The following GABRB1 variants were observed in gnomAD, a reference collection of about 807,000 sequenced individuals.
The protein encoded by GABRB1 is gamma-aminobutyric acid receptor subunit beta-1.
Under a neutral mutation model 51.6 loss-of-function variants are expected in GABRB1, and 17 were observed. The ratio of observed to expected loss-of-function variants is 0.33; its 90% CI spans 0.23 to 0.49. The LOEUF (loss-of-function observed/expected upper bound fraction) is 0.49. Among genes scored for constraint, GABRB1 ranks in the 20% least tolerant of loss-of-function variants. GABRB1 has a pLI of 0.99. For missense variants in GABRB1, 410 were observed against 600.6 expected, an observed-to-expected ratio of 0.68 and a Z score of 3.32; for synonymous variants, 247 against 218.9, an observed-to-expected ratio of 1.13 and a Z score of -1.14.
chr4:47,421,132 A>G (rs1287151385), intron 8 of GABRB1, among the ~76,000 whole-genome samples: 1 of 152,210 alleles, frequency 6.6e-6, no homozygotes, highest in Non-Finnish European at 1.5e-5. Context: ...ATCAGCTTTC[A>G]TGGATAGTTG....
intron 3 of GABRB1, among the ~76,000 whole-genome samples, chr4:47,137,337 C>T (rs962461654): frequency 2.7e-5 from 4 of 150,492 alleles, no homozygotes; most frequent in African/African-American, 7.3e-5. Flanking sequence ...TTTGCTGTTT[C>T]TGGCATGTTG....
chr4:47,386,937 C>G (rs147272388), intron 5 of GABRB1, among the ~76,000 whole-genome samples: 2 of 152,010 alleles, frequency 1.3e-5, no homozygotes, highest in South Asian at 4.1e-4. Flanking sequence ...GAGATATAGA[C>G]GAAAGGCTAA....
At chr4:47,029,963 T>A (rs890363663), upstream of GABRB1, among the ~76,000 whole-genome samples, 11 of 152,142 alleles carry the variant, frequency 7.2e-5, no homozygotes, top group Non-Finnish European at 1.3e-4. Flanking sequence ...CCCATATTCC[T>A]TCTCTTTTTT....
intron 4 of GABRB1, among the ~76,000 whole-genome samples, chr4:47,167,567 T>A (rs1718242127): frequency 6.6e-6 from 1 of 152,108 alleles, no homozygotes; most frequent in Non-Finnish European, 1.5e-5. Context: ...TGCAAACAGC[T>A]AGTGGAATGA....
intron 4 of GABRB1, among the ~76,000 whole-genome samples, chr4:47,268,925 G>T (rs915510597): frequency 1.3e-5 from 2 of 152,142 alleles, no homozygotes; most frequent in African/African-American, 4.8e-5. Context: ...AATCCATTTT[G>T]TGAGTATAGG....
chr4:47,093,071 ATTAAG>A (rs1226494954), intron 3 of GABRB1, among the ~76,000 whole-genome samples: 1 of 152,244 alleles, frequency 6.6e-6, no homozygotes, highest in African/African-American at 2.4e-5. Context: ...GTTCTCTTTT[ATTAAG>A]TTAATTGATA....
intron 1 of GABRB1, among the ~76,000 whole-genome samples, chr4:46,994,918 T>G (rs542113228): frequency 1.3e-5 from 2 of 152,266 alleles, no homozygotes; most frequent in East Asian, 3.9e-4. Context: ...TTTGTGTGTT[T>G]TAAACGTCTG....
rs6284 is a variant in GABRB1, at chr4:47,320,202, C to A, written c.537C>A (p.Ile179=). ...PLDEQNCTLE[I]ESYGYTTDDI... ...ATGAGCAGAACTGCACCCTGGAGAT[C>A]GAAAGTTGTGAGTTACTTGGACAGG... The change falls in exon 5 of 9, where the codon ATC becomes ATA. Residue 179 remains isoleucine (I), a synonymous_variant. Transcript: ENST00000295454. 0.19 allele frequency: 297,590 copies of A among 1,579,056 alleles called. 29,642 individuals carry two copies. The highest frequency in any genetic ancestry group is 0.2 in the Non-Finnish European group (233,057 of 1,147,800).
intron 3 of GABRB1, among the ~76,000 whole-genome samples, chr4:47,039,409 A>C (rs1206843670): frequency 1.3e-5 from 2 of 150,896 alleles, no homozygotes; most frequent in Non-Finnish European, 3.0e-5. Flanking sequence ...GTTCTTGTAG[A>C]GCTTATAGTC....
intron 3 of GABRB1, among the ~76,000 whole-genome samples, chr4:47,034,111 G>A (rs1000752250): frequency 7.9e-5 from 12 of 152,016 alleles, no homozygotes; most frequent in African/African-American, 2.9e-4. Context: ...TTGGTATCTT[G>A]TAAGCATCCA....
At chr4:47,076,814 G>A (rs1422080973) in intron 3 of GABRB1, among the ~76,000 whole-genome samples, 2 of 152,012 alleles carry the variant, frequency 1.3e-5, no homozygotes, top group Non-Finnish European at 2.9e-5. Context: ...TGTGTCTCTT[G>A]CTTCCCTTCC....
At chr4:47,038,992 T>A (rs140153548) in intron 3 of GABRB1, among the ~76,000 whole-genome samples, 101 of 152,284 alleles carry the variant, frequency 6.6e-4, no homozygotes, top group African/African-American at 2.3e-3. Context: ...AAGCATTTCA[T>A]GAAGTTCCTT....
chr4:47,215,182 A>G (rs1390016760), intron 4 of GABRB1, among the ~76,000 whole-genome samples: 1 of 152,102 alleles, frequency 6.6e-6, no homozygotes. Flanking sequence ...ACCCACAATA[A>G]TGGGTGCTAT....
chr4:47,039,358 A>AT (rs1725732048), intron 3 of GABRB1, among the ~76,000 whole-genome samples: 1 of 138,868 alleles, frequency 7.2e-6, no homozygotes, highest in Non-Finnish European at 1.5e-5. Context: ...AAAAGAAAAT[A>AT]CAAAAAAAAA....
chr4:47,082,267 A>G (rs888651627), intron 3 of GABRB1, among the ~76,000 whole-genome samples: 1 of 152,058 alleles, frequency 6.6e-6, no homozygotes, highest in African/African-American at 2.4e-5. Flanking sequence ...TAAATGGAAA[A>G]CAAATATAAC....
At chr4:47,181,536 T>G (rs1048158958) in intron 4 of GABRB1, among the ~76,000 whole-genome samples, 2 of 152,040 alleles carry the variant, frequency 1.3e-5, no homozygotes, top group African/African-American at 4.8e-5. Context: ...TCTCGTTCCA[T>G]CATTTAGTAC....
intron 3 of GABRB1, among the ~76,000 whole-genome samples, chr4:47,035,833 A>G (rs986752289): frequency 6.6e-6 from 1 of 152,230 alleles, no homozygotes; most frequent in African/African-American, 2.4e-5. Flanking sequence ...TTGGGGAAAC[A>G]TGATATTAAC....
At chr4:47,073,689 A>G (rs992997368) in intron 3 of GABRB1, among the ~76,000 whole-genome samples, 2 of 152,218 alleles carry the variant, frequency 1.3e-5, no homozygotes, top group African/African-American at 4.8e-5. Context: ...TTAAGCTGCT[A>G]ATAATTATAA....
chr4:47,153,905 A>G (rs1193225316), intron 3 of GABRB1, among the ~76,000 whole-genome samples: 1 of 152,104 alleles, frequency 6.6e-6, no homozygotes, highest in East Asian at 1.9e-4. Flanking sequence ...AATCAATAAT[A>G]AATAAGAACA....
Sources: allele counts gnomAD v4.1 joint callset (sites outside exome capture counted in the v4.1 genomes callset), GRCh38; gene constraint gnomAD v4.1.1; transcripts MANE v1.5; gene names NCBI Gene and HGNC (gene_info 2026-07-23, HGNC 2026-07-21).